LRRC27: variants seen among roughly 807,000 people sequenced by gnomAD.
LRRC27 encodes leucine-rich repeat-containing protein 27.
In LRRC27, 57 loss-of-function variants were observed where a neutral mutation model predicts 55.0. That is an observed-to-expected ratio of 1.04 (90% CI 0.84 to 1.29). LRRC27 has a LOEUF of 1.29. LRRC27 is among the 50% of genes most tolerant of loss of function. The pLI is 0.00. For synonymous variants in LRRC27, 278 were observed against 251.9 expected (o/e 1.10, Z -0.98); for missense variants, 721 against 651.5 (o/e 1.11, Z -1.16).
At position 132,375,307 on chromosome 10, in the gene LRRC27, G is replaced by A. The variant is rs1416771426; in HGVS notation, c.*65G>A. 10 of 1,476,718 alleles carry A rather than the reference G, an allele frequency of 6.8e-6. No homozygotes were observed. The highest frequency in any genetic ancestry group is 1.3e-5 in the South Asian group (1 of 79,040). The allele number at this position is 1,476,718 out of a possible 1,614,324, so 91.5% of individuals were successfully genotyped here. A position where few individuals can be genotyped will look rare whatever the true frequency, so the allele number is the denominator to read the frequency against. On this transcript the variant is annotated 3_prime_UTR_variant, in exon 11 of 11. Transcript: ENST00000368614. ...AGCCGCTCAGTCTTCTTTCCCGGGC[G>A]TCGCCTCCTGTGTGGTGCCGGAAGA...
chr10:132,362,169 T>G (rs1590705841), intron 9 of LRRC27, among the ~76,000 whole-genome samples: 1 of 150,482 alleles, frequency 6.6e-6, no homozygotes, highest in African/African-American at 2.5e-5. Flanking sequence ...ACTTGAGACG[T>G]TTTGATTTTG....
intron 10 of LRRC27, among the ~76,000 whole-genome samples, chr10:132,368,217 T>C (rs1190585797): frequency 6.6e-6 from 1 of 152,258 alleles, no homozygotes; most frequent in Non-Finnish European, 1.5e-5. Context: ...AGATATTCCA[T>C]GTTCATGGAT....
At chr10:132,357,333 C>T (rs1468366544) in intron 8 of LRRC27, among the ~76,000 whole-genome samples, 2 of 152,228 alleles carry the variant, frequency 1.3e-5, no homozygotes, top group African/African-American at 2.4e-5. Flanking sequence ...TATTTTGCCA[C>T]TTCCAGGAAT....
At position 132,380,706 on chromosome 10, in the gene LRRC27, C is replaced by G. The variant is rs986022775; in HGVS notation, c.*5464C>G. Among the ~76,000 whole-genome samples, 8 of 152,130 alleles carry G rather than the reference C, an allele frequency of 5.3e-5. No homozygotes were observed. The highest frequency in any genetic ancestry group is 1.4e-4 in the African/African-American group (6 of 41,430). ...GTTCTTGTGTATTTTTCATGTTGAG[C>G]GCAATACTGTAAACCTTGAAGAACA... On this transcript the variant is annotated 3_prime_UTR_variant, in exon 11 of 11. Transcript: ENST00000368614.
At chr10:132,364,483 ACACTTACACCCAC>A in intron 9 of LRRC27, among the ~76,000 whole-genome samples, 1 of 1,862 alleles carries the variant, frequency 5.4e-4, no homozygotes, top group East Asian at 0.026. Flanking sequence ...ACACCCACCC[ACACTTACACCCAC>A]CCTTACATCT....
rs1366415655 is a variant in LRRC27, at chr10:132,380,927, C to G, written c.*5685C>G. Among the ~76,000 whole-genome samples, 1 of 152,200 alleles carries G rather than the reference C, an allele frequency of 6.6e-6. No individual in the cohort carries two copies. Among genetic ancestry groups the G allele is most frequent in the African/African-American group, 2.4e-5 (1 of 41,454 alleles). ...GTAAAAAAATAAGGAAATTTGTGAG[C>G]AGGCACAAAAGCCTTAACACTTTCT... On this transcript the variant is annotated 3_prime_UTR_variant, in exon 11 of 11. Transcript: ENST00000368614.
chr10:132,351,543 G>A (rs2068010263), intron 6 of LRRC27, 64 bp from the exon 7 acceptor site: 5 of 1,556,046 alleles, frequency 3.2e-6, no homozygotes, highest in African/African-American at 1.4e-5. Flanking sequence ...CATTTCACAT[G>A]TTGTATGAAT....
At chr10:132,357,967 C>G (rs866483216) in intron 8 of LRRC27, among the ~76,000 whole-genome samples, 12 of 152,282 alleles carry the variant, frequency 7.9e-5, no homozygotes, top group South Asian at 6.2e-4. Flanking sequence ...CAGCTGAACG[C>G]ATGGAGAGGC....
At chr10:132,334,998 A>G (rs2067044438) in intron 2 of LRRC27, 1 of 152,254 alleles carries the variant, frequency 6.6e-6, no homozygotes, top group Admixed American at 6.5e-5. Context: ...AAAGTCATAA[A>G]CAGCACTTCC....
At chr10:132,364,483 ACACTTACACCCACCCT>A (rs2068876332) in intron 9 of LRRC27, among the ~76,000 whole-genome samples, 2 of 1,856 alleles carry the variant, frequency 1.1e-3, no homozygotes, top group Non-Finnish European at 1.9e-3. Flanking sequence ...ACACCCACCC[ACACTTACACCCACCCT>A]TACATCTACC....
chr10:132,363,466 T>C (rs2133054925), intron 9 of LRRC27, among the ~76,000 whole-genome samples: 1 of 152,256 alleles, frequency 6.6e-6, no homozygotes, highest in African/African-American at 2.4e-5. Flanking sequence ...CACCTTCTTG[T>C]CCAGGCATTT....
chr10:132,358,380 GTGA>G (rs2068412062), intron 8 of LRRC27, among the ~76,000 whole-genome samples: 1 of 70,524 alleles, frequency 1.4e-5, no homozygotes, highest in Non-Finnish European at 2.8e-5. Context: ...AGGAGCCGAG[GTGA>G]TGGAGCAGCG....
intron 9 of LRRC27, among the ~76,000 whole-genome samples, chr10:132,364,840 A>ACACTCACACCCACCCACAATTACACC (rs1590722997): frequency 7.3e-6 from 1 of 137,552 alleles, no homozygotes; most frequent in Non-Finnish European, 1.6e-5. Context: ...CTCCACGCCC[A>ACACTCACACCCACCCACAATTACACC]CACCCTGGGG....
In LRRC27 at chr10:132,372,395, C is replaced by A. The variant is rs1486035798; in HGVS notation, c.1417-2671C>A. On this transcript the variant is annotated intron_variant, in intron 10 of 10. Coordinates refer to ENST00000368614, the MANE Select transcript of LRRC27 (RefSeq NM_030626.3). This position sits in a 1 kb window ranked among gnomAD's most constrained non-coding sequence, Gnocchi z 4.0. Reference sequence around the variant, plus strand: ...CAACCTGGCCAACCTGGTGAAACCCCGTCTCTACTAAAAATACAAAAAATT... The same window carrying A: ...CAACCTGGCCAACCTGGTGAAACCCAGTCTCTACTAAAAATACAAAAAATT... Among the ~76,000 whole-genome samples, 2 of 152,200 alleles carry A rather than the reference C, an allele frequency of 1.3e-5. No homozygotes were observed. Among genetic ancestry groups the A allele is most frequent in the African/African-American group, 4.8e-5 (2 of 41,450 alleles).
intron 10 of LRRC27, chr10:132,366,849 C>T (rs45626936): frequency 0.2 from 259,842 of 1,279,892 alleles, 29,355 homozygotes; most frequent in Non-Finnish European, 0.23. Context: ...CTCCTAGAGC[C>T]GGAGATGGGA....
chr10:132,333,371 G>C, intron 1 of LRRC27, 106 bp from the exon 2 acceptor site: 1 of 411,848 alleles, frequency 2.4e-6, no homozygotes, highest in East Asian at 3.8e-5. Context: ...TAGGAAAAAT[G>C]ATAGCTTTTA....
rs111964569 is a variant in LRRC27 at position 132,364,533 on chromosome 10, A to T, written c.1290-891A>T. Among the ~76,000 whole-genome samples the T allele has an allele frequency of 3.4e-4, 2 of 5,968 alleles. 1 individual carries two copies. The highest frequency in any genetic ancestry group is 6.0e-4 in the Non-Finnish European group (2 of 3,334). 3.9% of individuals were successfully genotyped at this position (5,968 alleles called of 152,430 possible). ...CCTCCACACTCGCACTTACACCCAC[A>T]CTTAAATCTACCTCCACACCCACAC... On this transcript the variant is annotated intron_variant, in intron 9 of 10. Transcript: ENST00000368614.
intron 7 of LRRC27, among the ~76,000 whole-genome samples, chr10:132,354,266 C>A (rs1259020645): frequency 1.3e-5 from 2 of 152,224 alleles, no homozygotes; most frequent in Non-Finnish European, 2.9e-5. Context: ...TGCCTGGAGC[C>A]CAGAGCCAGT....
chr10:132,361,377 C>T, intron 8 of LRRC27, 80 bp from the exon 9 acceptor site: 1 of 1,221,640 alleles, frequency 8.2e-7, no homozygotes, highest in East Asian at 2.3e-5. Context: ...AGGAGCTAGT[C>T]TAACACACCT....
Sources: gnomAD v4.1 joint callset for allele counts (sites outside exome capture counted in the v4.1 genomes callset) on GRCh38, gnomAD v4.1.1 for gene constraint, Gnocchi (gnomAD v3.1) non-coding constraint, MANE v1.5 for transcripts, NCBI Gene and HGNC (gene_info 2026-07-23, HGNC 2026-07-21) for gene names.